The following CA10 variants were observed in gnomAD, a reference collection of about 807,000 sequenced individuals.
CA10 encodes carbonic anhydrase-related protein 10.
Under a neutral mutation model 44.2 loss-of-function variants are expected in CA10, and 14 were observed. That is an observed-to-expected ratio of 0.32 (90% CI 0.21 to 0.50). The LOEUF is 0.50. Ranked by LOEUF, CA10 falls within the 20% of genes least tolerant of loss-of-function variation. CA10 has a pLI of 0.99. For synonymous variants in CA10, 159 were observed against 141.6 expected, an observed-to-expected ratio of 1.12 and a Z score of -0.87; for missense variants, 350 against 409.7, an observed-to-expected ratio of 0.85 and a Z score of 1.26.
intron 1 of CA10, among the ~76,000 whole-genome samples, chr17:52,146,695 TAA>T (rs1410127792): frequency 6.9e-6 from 1 of 144,286 alleles, no homozygotes; most frequent in Non-Finnish European, 1.6e-5. Flanking sequence ...AATAAATAAA[TAA>T]ATATAAAAAA....
intron 1 of CA10, among the ~76,000 whole-genome samples, chr17:52,122,888 C>T (rs1449569248): frequency 1.3e-5 from 2 of 152,148 alleles, no homozygotes; most frequent in African/African-American, 4.8e-5. Context: ...TCAGTAATTC[C>T]CAGGCTTTAT....
chr17:51,870,813 G>A (rs1487373151), intron 3 of CA10, among the ~76,000 whole-genome samples: 1 of 152,102 alleles, frequency 6.6e-6, no homozygotes, highest in Non-Finnish European at 1.5e-5. Flanking sequence ...TCCCTAGAAA[G>A]GATGAATTAC....
intron 3 of CA10, among the ~76,000 whole-genome samples, chr17:51,769,399 A>G (rs1460151513): frequency 6.6e-6 from 1 of 152,218 alleles, no homozygotes; most frequent in Admixed American, 6.5e-5. Flanking sequence ...AATTCTGTAC[A>G]AAATGGTAAG....
chr17:51,685,883 C>T (rs1282477111), intron 4 of CA10, among the ~76,000 whole-genome samples: 1 of 152,204 alleles, frequency 6.6e-6, no homozygotes, highest in African/African-American at 2.4e-5. Context: ...TACAAATGGC[C>T]TGACACCCAT....
In CA10 at chr17:51,630,694, GA is replaced by G. The variant is rs2143189873; in HGVS notation, c.*889del. The G allele has an allele frequency of 6.5e-6, 1 of 152,672 alleles. No homozygotes were observed. Among genetic ancestry groups the G allele is most frequent in the South Asian group, 2.1e-4 (1 of 4,820 alleles). 9.5% of individuals were successfully genotyped at this position (152,672 alleles called of 1,614,324 possible). On this transcript the variant is annotated 3_prime_UTR_variant, in exon 9 of 9. Transcript: ENST00000451037. ...AAAACATGTAGATGAAGGAACAAGT[GA>G]AATCAAAGAATGCAGTTGCATGGAG... is the stretch of plus-strand genomic sequence containing the variant.
chr17:52,062,522 C>CA (rs1009882061), intron 2 of CA10, among the ~76,000 whole-genome samples: 3 of 152,106 alleles, frequency 2.0e-5, no homozygotes, highest in Non-Finnish European at 2.9e-5. Context: ...ATCATAGGCC[C>CA]ACAGGCCTGG....
At chr17:51,701,714 C>T (rs1915609590) in intron 4 of CA10, among the ~76,000 whole-genome samples, 1 of 152,186 alleles carries the variant, frequency 6.6e-6, no homozygotes, top group South Asian at 2.1e-4. Flanking sequence ...AAAACAATTT[C>T]ACAGTCATTT....
chr17:51,918,782 A>C (rs1239892116), intron 3 of CA10, among the ~76,000 whole-genome samples: 7 of 152,224 alleles, frequency 4.6e-5, no homozygotes, highest in Non-Finnish European at 8.8e-5. Flanking sequence ...GCTTATTTTC[A>C]CATTATTTGC....
At chr17:51,940,624 C>A (rs1004773731) in intron 2 of CA10, among the ~76,000 whole-genome samples, 5 of 151,330 alleles carry the variant, frequency 3.3e-5, no homozygotes, top group African/African-American at 4.9e-5. Context: ...TGATTCTCAC[C>A]AGTCTTAATG....
At chr17:51,672,590 C>G (rs1300097064) in intron 4 of CA10, among the ~76,000 whole-genome samples, 1 of 152,144 alleles carries the variant, frequency 6.6e-6, no homozygotes, top group Non-Finnish European at 1.5e-5. Flanking sequence ...TCTCACTTTT[C>G]TAATAAGTTG....
intron 2 of CA10, among the ~76,000 whole-genome samples, chr17:51,963,970 G>T (rs1248351098): frequency 6.6e-6 from 1 of 152,052 alleles, no homozygotes; most frequent in Non-Finnish European, 1.5e-5. Flanking sequence ...GCATAGAGTT[G>T]CTAGTTGGAT....
At chr17:51,928,928 A>G (rs1360837119) in intron 3 of CA10, among the ~76,000 whole-genome samples, 1 of 152,176 alleles carries the variant, frequency 6.6e-6, no homozygotes, top group African/African-American at 2.4e-5. Context: ...CACAAATGCA[A>G]AAGGAACCAT....
At chr17:51,769,050 A>G (rs1401783317) in intron 3 of CA10, among the ~76,000 whole-genome samples, 1 of 152,150 alleles carries the variant, frequency 6.6e-6, no homozygotes, top group Non-Finnish European at 1.5e-5. Flanking sequence ...ACATTTTTAT[A>G]CTTTTATAAT....
Position 51,648,521 on chromosome 17 carries a change from G to T in CA10, c.634+661C>A, listed in dbSNP as rs1350833306. ...CTCATATTATTTCTTTCATCTATGGGTGTGTGCTGTCTCACCCAACTTTTC... is the reference window on the plus strand; with the variant it reads ...CTCATATTATTTCTTTCATCTATGGTTGTGTGCTGTCTCACCCAACTTTTC... On this transcript the variant is annotated intron_variant, in intron 6 of 8. Coordinates refer to ENST00000451037, the MANE Select transcript of CA10 (RefSeq NM_020178.5). Among the ~76,000 whole-genome samples the T allele has an allele frequency of 3.3e-5, 5 of 152,142 alleles. No individual in the cohort carries two copies. The East Asian group carries it at 9.6e-4, about 29-fold the overall frequency.
intron 1 of CA10, among the ~76,000 whole-genome samples, chr17:52,108,757 G>A (rs188109986): frequency 1.8e-4 from 27 of 150,104 alleles, no homozygotes; most frequent in Admixed American, 1.1e-3. Flanking sequence ...TGAGGACTTC[G>A]GGGGAAGAGT....
rs567301802 is a variant in CA10 at position 52,003,338 on chromosome 17, G to C, written c.136+68981C>G. Among the ~76,000 whole-genome samples the C allele has an allele frequency of 7.2e-5, 11 of 151,998 alleles. No individual in the cohort carries two copies. In the South Asian group the frequency reaches 2.3e-3, roughly 32 times the overall value. On this transcript the variant is annotated intron_variant, in intron 2 of 8. Coordinates refer to ENST00000451037, the MANE Select transcript of CA10 (RefSeq NM_020178.5). The stretch of plus-strand genomic sequence containing the variant: ...TCCAGTTTATAAAGATGCCTGTCCT[G>C]TGGGTTCCCATAATACCTTATCATC...
chr17:51,708,378 A>C (rs1006765829), intron 4 of CA10, among the ~76,000 whole-genome samples: 1 of 152,150 alleles, frequency 6.6e-6, no homozygotes, highest in Non-Finnish European at 1.5e-5. Context: ...GCAACTTGTG[A>C]TAGGTTGTAG....
At chr17:51,645,262 C>T (rs960010661) in intron 6 of CA10, among the ~76,000 whole-genome samples, 1 of 152,146 alleles carries the variant, frequency 6.6e-6, no homozygotes, top group African/African-American at 2.4e-5. Context: ...AGCAATGAGG[C>T]GATCCTTTTG....
chr17:51,931,206 G>T, intron 2 of CA10, 74 bp from the exon 3 acceptor site: 1 of 1,424,628 alleles, frequency 7.0e-7, no homozygotes, highest in Non-Finnish European at 9.7e-7. Flanking sequence ...ACAGAGCTAT[G>T]TACAAACGTG....
Sources: gnomAD v4.1 joint callset for allele counts (sites outside exome capture counted in the v4.1 genomes callset) on GRCh38, gnomAD v4.1.1 for gene constraint, MANE v1.5 for transcripts, NCBI Gene and HGNC (gene_info 2026-07-23, HGNC 2026-07-21) for gene names.